DNAH9: variants seen among roughly 807,000 people sequenced by gnomAD.
DNAH9 encodes dynein axonemal heavy chain 9.
In DNAH9, 345 loss-of-function variants were observed where a neutral mutation model predicts 471.6. The ratio of observed to expected loss-of-function variants is 0.73; its 90% CI spans 0.67 to 0.80. DNAH9 has a LOEUF of 0.80. DNAH9 is among the 30% of genes least tolerant of loss of function. The pLI is 0.00. For synonymous variants in DNAH9, 2,093 were observed against 2,123.6 expected, an observed-to-expected ratio of 0.99 and a Z score of 0.40; for missense variants, 5,407 against 5,609.2, an observed-to-expected ratio of 0.96 and a Z score of 1.15.
At chr17:11,651,410 T>A in intron 13 of DNAH9, 86 bp downstream of exon 13, 1 of 1,370,310 alleles carries the variant, frequency 7.3e-7, no homozygotes, top group Admixed American at 2.1e-5. Flanking sequence ...TATTCCCTGG[T>A]AATCTTATTT....
chr17:11,809,776 C>CTTCCATATAT (rs1969822315), intron 44 of DNAH9, among the ~76,000 whole-genome samples: 2 of 146,748 alleles, frequency 1.4e-5, no homozygotes, highest in African/African-American at 2.4e-5. Context: ...CTTCCATATA[C>CTTCCATATAT]GTAAGTAAGT....
chr17:11,738,120 A>G (rs11869972), intron 28 of DNAH9, among the ~76,000 whole-genome samples: 229 of 152,306 alleles, frequency 1.5e-3, no homozygotes, highest in African/African-American at 5.1e-3. Flanking sequence ...GCTTTGGGCA[A>G]GTGTTTCCAT....
rs1555528615 is a variant in DNAH9 at position 11,947,772 on chromosome 17, A to AATTTTTTTTT, written c.12843+5287_12843+5288insATTTTTTTTT. On this transcript the variant is annotated intron_variant, in intron 67 of 68. Coordinates refer to ENST00000262442, the MANE Select transcript of DNAH9 (RefSeq NM_001372.4). ...CAGAATCTGGGAGGGGCTGGGAACT[A>AATTTTTTTTT]TTTTTTTTTTTTTTTTTTTTTTTTT... 8.3e-5 allele frequency among the ~76,000 whole-genome samples: 9 copies of AATTTTTTTTT among 108,344 alleles called. 4 individuals carry two copies. The highest frequency in any genetic ancestry group is 8.9e-5 in the Non-Finnish European group (5 of 56,146). 71.1% of individuals were successfully genotyped at this position (108,344 alleles called of 152,430 possible).
chr17:11,905,869 G>T, intron 61 of DNAH9, 60 bp downstream of exon 61: 2 of 1,518,358 alleles, frequency 1.3e-6, no homozygotes, highest in Non-Finnish European at 1.8e-6. Context: ...TTCATTCTTG[G>T]GGTCTATTGA....
intron 26 of DNAH9, among the ~76,000 whole-genome samples, chr17:11,717,041 G>C (rs1289876208): frequency 6.6e-6 from 1 of 152,246 alleles, no homozygotes; most frequent in Non-Finnish European, 1.5e-5. Flanking sequence ...AAATGCTTGA[G>C]AGAGAAGAGA....
intron 1 of DNAH9, among the ~76,000 whole-genome samples, chr17:11,607,463 A>T (rs1425635520): frequency 6.6e-6 from 1 of 152,180 alleles, no homozygotes; most frequent in Non-Finnish European, 1.5e-5. Flanking sequence ...GGGGGACGCA[A>T]TTGGCTAGTT....
chr17:11,738,404 G>A (rs964382719), intron 28 of DNAH9, among the ~76,000 whole-genome samples: 2 of 152,202 alleles, frequency 1.3e-5, no homozygotes, highest in Admixed American at 6.5e-5. Flanking sequence ...GTTTTGAGAC[G>A]TAGCCTTGCT....
intron 44 of DNAH9, among the ~76,000 whole-genome samples, chr17:11,808,674 A>G (rs745310628): frequency 6.6e-6 from 1 of 152,216 alleles, no homozygotes; most frequent in Non-Finnish European, 1.5e-5. Flanking sequence ...CAAAAAAGAC[A>G]TGATAGTGTG....
At chr17:11,793,430 C>T (rs1391284521) in intron 41 of DNAH9, 73 bp from the exon 42 acceptor site, 2 of 1,408,492 alleles carry the variant, frequency 1.4e-6, no homozygotes, top group Non-Finnish European at 2.0e-6. Flanking sequence ...TAAAATGCTC[C>T]AGGAAGTTTT....
In DNAH9 at chr17:11,795,081, T is replaced by A. The variant is rs187752047; in HGVS notation, c.8223+1417T>A. Among the ~76,000 whole-genome samples, 279 of 146,134 alleles carry A rather than the reference T, an allele frequency of 1.9e-3. 3 individuals are homozygous for A. Among genetic ancestry groups the A allele is most frequent in the South Asian group, 4.3e-4 (2 of 4,628 alleles). On this transcript the variant is annotated intron_variant, in intron 42 of 68. Transcript: ENST00000262442. ...TAGAACTTAAAGTATAATAAAAAAA[T>A]ACATATATATATATAAGACATTAAA...
chr17:11,875,289 C>A, intron 53 of DNAH9, 105 bp downstream of exon 53: 1 of 864,814 alleles, frequency 1.2e-6, no homozygotes, highest in Non-Finnish European at 1.8e-6. Flanking sequence ...CACTCCTGGT[C>A]TCTCCATCAG....
intron 66 of DNAH9, among the ~76,000 whole-genome samples, chr17:11,941,078 G>C (rs1389859838): frequency 6.6e-6 from 1 of 152,116 alleles, no homozygotes; most frequent in Non-Finnish European, 1.5e-5. Context: ...TGGATTCCAG[G>C]CTTGAGATTC....
chr17:11,811,050 C>T (rs747889296), intron 45 of DNAH9, among the ~76,000 whole-genome samples: 14 of 152,220 alleles, frequency 9.2e-5, no homozygotes, highest in South Asian at 8.3e-4. Flanking sequence ...TGAAAACTCA[C>T]GTCTGTAATC....
At position 11,622,943 on chromosome 17, in the gene DNAH9, G is replaced by T. The variant is rs183250731; in HGVS notation, c.1350+3162G>T. Among the ~76,000 whole-genome samples, 276 of 150,092 alleles carry T rather than the reference G, an allele frequency of 1.8e-3. 3 individuals carry two copies. Among genetic ancestry groups the T allele is most frequent in the African/African-American group, 6.6e-3 (270 of 40,820 alleles). On this transcript the variant is annotated intron_variant, in intron 6 of 68. Coordinates refer to ENST00000262442, the MANE Select transcript of DNAH9 (RefSeq NM_001372.4). ...AGCTGCTTTGCTCCTGTGCCCAGCT[G>T]CTCCTTTTCTTTTCTTTTCTTTTTC...
chr17:11,935,532 C>T (rs1386638759), intron 65 of DNAH9, among the ~76,000 whole-genome samples: 7 of 151,912 alleles, frequency 4.6e-5, no homozygotes, highest in Admixed American at 3.3e-4. Context: ...TGCGTCACCA[C>T]GCCCAGCTAA....
chr17:11,604,738 A>G lies in DNAH9; in HGVS notation c.418-3391A>G, dbSNP rs140483322. On this transcript the variant is annotated intron_variant, in intron 1 of 68. Transcript: ENST00000262442. ...GACTCCTAAAGCAATTTGTTAACAC[A>G]TCCTATTGGCTATACCTTCAAAATT... is the stretch of plus-strand genomic sequence containing the variant. Among the ~76,000 whole-genome samples, 18 of 151,972 alleles carry G rather than the reference A, an allele frequency of 1.2e-4. No homozygotes were observed. In the East Asian group the frequency reaches 3.1e-3, roughly 26 times the overall value.
chr17:11,669,620 T>C lies in DNAH9; in HGVS notation c.3179T>C (p.Val1060Ala), dbSNP rs2073942505. 3 of 1,614,036 alleles carry C rather than the reference T, an allele frequency of 1.9e-6. No individual in the cohort carries two copies. Among genetic ancestry groups the C allele is most frequent in the African/African-American group, 2.7e-5 (2 of 74,914 alleles). The change falls in exon 17 of 69, where the codon GTG (valine) becomes GCG (alanine). Residue 1060 changes from valine to alanine, a missense_variant. By Grantham distance (64) the Val-to-Ala change is moderately conservative. Transcript: ENST00000262442. ...CCTCCCCTCCTTTCTCAGTTTAAAG[T>C]GCAAATCGACTCCTATGAAACGCTC... ...ENPPLLSQFK[V>A]QIDSYETLYE...
intron 24 of DNAH9, among the ~76,000 whole-genome samples, chr17:11,702,338 G>T (rs560096500): frequency 6.6e-6 from 1 of 152,316 alleles, no homozygotes; most frequent in South Asian, 2.1e-4. Flanking sequence ...GACCTAACAA[G>T]AAATGTTTAA....
chr17:11,758,090 T>C (rs1318297301), intron 35 of DNAH9, among the ~76,000 whole-genome samples: 2 of 152,180 alleles, frequency 1.3e-5, no homozygotes, highest in Admixed American at 6.5e-5. Context: ...ATGGCACTTA[T>C]TGGTGACCTG....
Sources: gnomAD v4.1 joint callset for allele counts (sites outside exome capture counted in the v4.1 genomes callset) on GRCh38, gnomAD v4.1.1 for gene constraint, MANE v1.5 for transcripts, NCBI Gene and HGNC (gene_info 2026-07-23, HGNC 2026-07-21) for gene names.